Variants in KAZN observed in about 807,000 individuals in gnomAD.
KAZN encodes kazrin.
In KAZN, 40 loss-of-function variants were observed where a neutral mutation model predicts 87.4. The observed-to-expected ratio is 0.46, with a 90% CI of 0.36 to 0.60. The LOEUF is 0.60. Ranked by LOEUF, KAZN falls within the 20% of genes least tolerant of loss-of-function variation. The pLI is 0.00. For synonymous variants in KAZN, 466 were observed against 458.3 expected (o/e 1.02, Z -0.22); for missense variants, 898 against 1,073.9 (o/e 0.84, Z 2.29).
chr1:14,318,204 C>A (rs1190296403), intron 2 of KAZN, among the ~76,000 whole-genome samples: 2 of 152,062 alleles, frequency 1.3e-5, no homozygotes, highest in African/African-American at 4.8e-5. Flanking sequence ...TAGATTCTTA[C>A]AATGAAGAAT....
intron 2 of KAZN, among the ~76,000 whole-genome samples, chr1:14,237,512 C>G (rs1648536704): frequency 6.6e-6 from 1 of 152,226 alleles, no homozygotes; most frequent in Non-Finnish European, 1.5e-5. Flanking sequence ...AGATACTCTT[C>G]TCTGAGTATC....
At chr1:14,304,662 CG>C in intron 2 of KAZN, 1 of 398,430 alleles carries the variant, frequency 2.5e-6, no homozygotes, top group Non-Finnish European at 4.4e-6. Context: ...CTTCTGAAAC[CG>C]GTGAGCTTCA....
At chr1:14,966,179 C>A (rs759159612) in intron 2 of KAZN, among the ~76,000 whole-genome samples, 13 of 152,084 alleles carry the variant, frequency 8.5e-5, no homozygotes, top group Admixed American at 3.3e-4. Context: ...AGGATTTCAC[C>A]GTGTTGCCCA....
At chr1:14,389,715 AGAG>A (rs1662254770) in intron 2 of KAZN, among the ~76,000 whole-genome samples, 1 of 152,190 alleles carries the variant, frequency 6.6e-6, no homozygotes, top group East Asian at 1.9e-4. Flanking sequence ...AGGGTAGTCA[AGAG>A]GAGAGGTGGA....
intron 1 of KAZN, among the ~76,000 whole-genome samples, chr1:13,983,417 C>T (rs1638847479): frequency 6.6e-6 from 1 of 152,264 alleles, no homozygotes; most frequent in South Asian, 2.1e-4. Flanking sequence ...TGCTAAGTCC[C>T]TCATTGCCTG....
chr1:14,605,164 A>G (rs533130137), intron 1 of KAZN, among the ~76,000 whole-genome samples: 1 of 152,338 alleles, frequency 6.6e-6, no homozygotes, highest in East Asian at 1.9e-4. Flanking sequence ...TTCTGGGACC[A>G]TCTTGAAGCC....
chr1:14,354,685 C>CACACACAA (rs1427516822), intron 2 of KAZN, among the ~76,000 whole-genome samples: 33 of 145,360 alleles, frequency 2.3e-4, no homozygotes, highest in African/African-American at 8.3e-4. Flanking sequence ...CACACACACA[C>CACACACAA]ACAAACAAAC....
intron 1 of KAZN, among the ~76,000 whole-genome samples, chr1:14,864,003 G>C (rs1572678473): frequency 6.6e-6 from 1 of 152,104 alleles, no homozygotes; most frequent in Non-Finnish European, 1.5e-5. Context: ...CCTTCATCCA[G>C]CTAGGAGGTA....
chr1:14,420,753 GC>G (rs1397182853), intron 2 of KAZN, among the ~76,000 whole-genome samples: 2 of 152,154 alleles, frequency 1.3e-5, no homozygotes, highest in Non-Finnish European at 2.9e-5. Context: ...CAGGTGCTAA[GC>G]CCCTCACTGC....
chr1:14,323,888 C>A (rs930413679), intron 2 of KAZN, among the ~76,000 whole-genome samples: 1 of 152,136 alleles, frequency 6.6e-6, no homozygotes, highest in African/African-American at 2.4e-5. Flanking sequence ...ACTTTATGGA[C>A]TCTTACTTAG....
intron 1 of KAZN, among the ~76,000 whole-genome samples, chr1:14,158,218 CT>C (rs960140512): frequency 3.0e-4 from 45 of 152,312 alleles, no homozygotes; most frequent in African/African-American, 1.1e-3. Context: ...TCTACCTCCT[CT>C]TTAAGGCCAA....
At chr1:14,139,228 A>G (rs1204015110) in intron 1 of KAZN, among the ~76,000 whole-genome samples, 1 of 152,218 alleles carries the variant, frequency 6.6e-6, no homozygotes, top group African/African-American at 2.4e-5. Flanking sequence ...TGCTTTGCCC[A>G]TAGCCCATTG....
intron 1 of KAZN, among the ~76,000 whole-genome samples, chr1:14,687,278 G>A (rs764001579): frequency 6.6e-6 from 1 of 152,186 alleles, no homozygotes; most frequent in Non-Finnish European, 1.5e-5. Context: ...ACTGGCCCTG[G>A]GCTAGGCACT....
In KAZN at chr1:14,681,927, G is replaced by A. The variant is rs185526462; in HGVS notation, c.226+82704G>A. 2.8e-3 allele frequency among the ~76,000 whole-genome samples: 429 copies of A among 151,578 alleles called. 2 individuals carry two copies. Among genetic ancestry groups the A allele is most frequent in the African/African-American group, 9.4e-3 (390 of 41,328 alleles). On this transcript the variant is annotated intron_variant, in intron 1 of 14. Transcript: ENST00000376030. ...AGGATGGTCTCGATCTCCTGACCTCGTGATCCGCCCAGCCTCTCAAAGTGC... is the reference window on the plus strand; with the variant it reads ...AGGATGGTCTCGATCTCCTGACCTCATGATCCGCCCAGCCTCTCAAAGTGC...
intron 1 of KAZN, among the ~76,000 whole-genome samples, chr1:14,614,202 C>G (rs1303237378): frequency 6.6e-6 from 1 of 152,188 alleles, no homozygotes; most frequent in African/African-American, 2.4e-5. Flanking sequence ...GGATAATGGC[C>G]TAATCTCTCC....
intron 1 of KAZN, among the ~76,000 whole-genome samples, chr1:14,940,598 C>T (rs1660946034): frequency 6.6e-6 from 1 of 152,188 alleles, no homozygotes; most frequent in South Asian, 2.1e-4. Flanking sequence ...TTAGAGCTCT[C>T]GTCCCCTACT....
At chr1:14,515,757 T>C (rs10803286) in intron 2 of KAZN, among the ~76,000 whole-genome samples, 118,497 of 151,934 alleles carry the variant, frequency 0.78, 46,554 homozygotes, top group South Asian at 0.81. Flanking sequence ...CAAAGGGCTC[T>C]CCCTTCCACC....
chr1:14,361,866 T>G (rs910081851), intron 2 of KAZN, among the ~76,000 whole-genome samples: 8 of 152,336 alleles, frequency 5.3e-5, no homozygotes, highest in African/African-American at 1.9e-4. Flanking sequence ...ATTACTGTTT[T>G]CAGTGAGGAA....
intron 2 of KAZN, among the ~76,000 whole-genome samples, chr1:14,378,356 A>G (rs1661083973): frequency 6.6e-6 from 1 of 152,234 alleles, no homozygotes; most frequent in African/African-American, 2.4e-5. Context: ...GCTGAATAGA[A>G]GTCTCCACCA....
Sources: allele counts gnomAD v4.1 joint callset (sites outside exome capture counted in the v4.1 genomes callset), GRCh38; gene constraint gnomAD v4.1.1; transcripts MANE v1.5; gene names NCBI Gene and HGNC (gene_info 2026-07-23, HGNC 2026-07-21).